The following MARCHF1 variants were observed in gnomAD, a reference collection of about 807,000 sequenced individuals.
The protein encoded by MARCHF1 is E3 ubiquitin-protein ligase MARCHF1.
MARCHF1 carries 40 observed loss-of-function variants against 54.2 expected under a neutral mutation model. The ratio of observed to expected loss-of-function variants is 0.74; its 90% CI spans 0.57 to 0.96. The LOEUF is 0.96. Ranked by LOEUF, MARCHF1 falls within the 40% of genes least tolerant of loss-of-function variation. The pLI is 0.00. For missense variants in MARCHF1, 586 were observed against 656.5 expected (o/e 0.89, Z 1.17); for synonymous variants, 236 against 236.3 (o/e 1.00, Z 0.01).
intron 1 of MARCHF1, among the ~76,000 whole-genome samples, chr4:164,304,605 A>G (rs1212992529): frequency 6.6e-6 from 1 of 152,254 alleles, no homozygotes; most frequent in Non-Finnish European, 1.5e-5. Flanking sequence ...TTGCTCTGGC[A>G]GAAATACCTT....
At chr4:163,937,666 G>A (rs552642101) in intron 3 of MARCHF1, among the ~76,000 whole-genome samples, 1 of 152,152 alleles carries the variant, frequency 6.6e-6, no homozygotes, top group Non-Finnish European at 1.5e-5. Flanking sequence ...ATTTTTCCTT[G>A]TAATCAGGAT....
intron 1 of MARCHF1, among the ~76,000 whole-genome samples, chr4:164,223,370 T>C (rs879561096): frequency 6.6e-6 from 1 of 151,986 alleles, no homozygotes; most frequent in Non-Finnish European, 1.5e-5. Context: ...AATATATATA[T>C]ATGGTGACAA....
intron 5 of MARCHF1, among the ~76,000 whole-genome samples, chr4:163,661,109 T>C (rs1270231730): frequency 6.6e-6 from 1 of 151,992 alleles, no homozygotes; most frequent in Non-Finnish European, 1.5e-5. Context: ...CTTCCTGAAC[T>C]CCTCCCTTGC....
intron 2 of MARCHF1, among the ~76,000 whole-genome samples, chr4:164,039,966 A>ATT (rs1057101296): frequency 6.8e-6 from 1 of 147,012 alleles, no homozygotes; most frequent in African/African-American, 2.5e-5. Context: ...ACCTCATGAA[A>ATT]TTATATATAT....
Position 163,704,230 on chromosome 4 carries a change from C to G in MARCHF1, c.112-3367G>C, listed in dbSNP as rs551260464. Among the ~76,000 whole-genome samples, 92 of 151,076 alleles carry G rather than the reference C, an allele frequency of 6.1e-4. 1 individual carries two copies. Among genetic ancestry groups the G allele is most frequent in the Non-Finnish European group, 8.0e-4 (54 of 67,698 alleles). ...CCCCCCTTTTTTCAGGTTAAAAATC[C>G]CAAGTATTTGAAAGGAGAAACTAAG... On this transcript the variant is annotated intron_variant, in intron 4 of 9. Transcript: ENST00000514618.
At position 164,102,747 on chromosome 4, in the gene MARCHF1, T is replaced by G. The variant is rs1047948101; in HGVS notation, c.-248+8841A>C. Among the ~76,000 whole-genome samples, 342 of 151,044 alleles carry G rather than the reference T, an allele frequency of 2.3e-3. 3 individuals are homozygous for G. The highest frequency in any genetic ancestry group is 5.0e-3 in the Admixed American group (76 of 15,168). ...CCAGCTAACATCATAATGACAGGAT[T>G]AAATTCACACATAACAATATTAACT... On this transcript the variant is annotated intron_variant, in intron 2 of 9. Coordinates refer to ENST00000514618, the MANE Select transcript of MARCHF1 (RefSeq NM_001394959.1).
chr4:164,205,247 G>A (rs563129346), intron 1 of MARCHF1, among the ~76,000 whole-genome samples: 22 of 152,256 alleles, frequency 1.4e-4, no homozygotes, highest in African/African-American at 5.3e-4. Context: ...AATGATGAGA[G>A]CTTGTATTTA....
intron 4 of MARCHF1, among the ~76,000 whole-genome samples, chr4:163,725,328 G>T (rs958697556): frequency 6.6e-5 from 10 of 151,828 alleles, no homozygotes; most frequent in African/African-American, 2.4e-4. Flanking sequence ...ATACAAAAAA[G>T]TTAAGTGGGT....
At chr4:163,656,528 G>T (rs573367828) in intron 5 of MARCHF1, among the ~76,000 whole-genome samples, 103 of 151,876 alleles carry the variant, frequency 6.8e-4, no homozygotes, top group African/African-American at 2.3e-3. Flanking sequence ...CAATTGAAAA[G>T]GAGCGACTCC....
chr4:164,215,691 A>T (rs921928806), intron 1 of MARCHF1, among the ~76,000 whole-genome samples: 9 of 152,138 alleles, frequency 5.9e-5, no homozygotes, highest in Non-Finnish European at 1.5e-5. Context: ...GTTGAGAAAG[A>T]ATTTGAAATT....
chr4:163,669,429 G>T (rs1743651500), intron 5 of MARCHF1, among the ~76,000 whole-genome samples: 1 of 152,026 alleles, frequency 6.6e-6, no homozygotes, highest in South Asian at 2.1e-4. Flanking sequence ...ACTACTTCCT[G>T]CTAACACTTA....
chr4:164,140,465 G>C (rs1018658252), intron 1 of MARCHF1, among the ~76,000 whole-genome samples: 3 of 152,180 alleles, frequency 2.0e-5, no homozygotes, highest in African/African-American at 7.2e-5. Context: ...TGAGATGCCA[G>C]ACCCCTCACC....
chr4:163,866,812 A>G (rs926858068), intron 3 of MARCHF1, among the ~76,000 whole-genome samples: 1 of 151,870 alleles, frequency 6.6e-6, no homozygotes, highest in African/African-American at 2.4e-5. Flanking sequence ...TTATAGCAAA[A>G]GGAATCAAGT....
At chr4:164,081,471 C>T (rs928960181) in intron 2 of MARCHF1, among the ~76,000 whole-genome samples, 1 of 152,114 alleles carries the variant, frequency 6.6e-6, no homozygotes, top group South Asian at 2.1e-4. Context: ...ACCTATTTCT[C>T]TTCCTTGCTC....
intron 3 of MARCHF1, among the ~76,000 whole-genome samples, chr4:163,959,111 C>T (rs1176910012): frequency 6.6e-6 from 1 of 151,858 alleles, no homozygotes; most frequent in Non-Finnish European, 1.5e-5. Flanking sequence ...ATACACAGTA[C>T]CACATGGAGC....
At chr4:164,272,357 A>T (rs1160227494) in intron 1 of MARCHF1, among the ~76,000 whole-genome samples, 1 of 152,106 alleles carries the variant, frequency 6.6e-6, no homozygotes, top group Non-Finnish European at 1.5e-5. Context: ...AAAATAAAAG[A>T]CACCCAATTT....
chr4:164,351,070 C>T (rs952036562), intron 1 of MARCHF1, among the ~76,000 whole-genome samples: 6 of 152,176 alleles, frequency 3.9e-5, no homozygotes, highest in Admixed American at 1.3e-4. Flanking sequence ...TAAAAAACGG[C>T]GCACCACAAG....
chr4:164,256,487 T>C (rs1289267579), intron 1 of MARCHF1, among the ~76,000 whole-genome samples: 1 of 144,506 alleles, frequency 6.9e-6, no homozygotes, highest in African/African-American at 2.5e-5. Flanking sequence ...ATAATGAAGA[T>C]AGTGAATTGA....
chr4:163,932,382 A>G, intron 3 of MARCHF1: 1 of 346,940 alleles, frequency 2.9e-6, no homozygotes, highest in South Asian at 2.4e-5. Context: ...AAACTGGAGT[A>G]AATCCTTTCA....
Sources: gnomAD v4.1 joint callset for allele counts (sites outside exome capture counted in the v4.1 genomes callset) on GRCh38, gnomAD v4.1.1 for gene constraint, MANE v1.5 for transcripts, NCBI Gene and HGNC (gene_info 2026-07-23, HGNC 2026-07-21) for gene names.